The following VPS13C variants were observed in gnomAD, a reference collection of about 807,000 sequenced individuals.
The protein encoded by VPS13C is intermembrane lipid transfer protein VPS13C.
A neutral mutation model predicts 456.8 loss-of-function variants in VPS13C; 358 were observed. That is an observed-to-expected ratio of 0.78 (90% CI 0.72 to 0.86). The LOEUF (loss-of-function observed/expected upper bound fraction) is 0.86, where lower values mean the gene tolerates loss of function less well. Among genes scored for constraint, VPS13C ranks in the 40% least tolerant of loss-of-function variants. VPS13C has a pLI of 0.00. For missense variants in VPS13C, 4,818 were observed against 4,385.4 expected (o/e 1.10, Z -2.79); for synonymous variants, 1,578 against 1,486.7 (o/e 1.06, Z -1.41).
Position 61,969,402 on chromosome 15 carries a change from T to C in VPS13C, c.2808A>G (p.Val936=). ...CTGTTCCTAACTGAGTAACATTAAA[T>C]ACTAGAATTGTATCTTCTTCTTTCT... ...KQQKEEDTIL[V]FNVTQLGTEA... is the part of the protein sequence containing the mutation. Residue 936 remains valine, a synonymous_variant, in exon 28 of 85, where the codon GTA becomes GTG. Coordinates refer to ENST00000644861, the MANE Select transcript of VPS13C (RefSeq NM_020821.3). The C allele has an allele frequency of 6.3e-7, 1 of 1,587,610 alleles. No homozygotes were observed. The highest frequency in any genetic ancestry group is 8.6e-7 in the Non-Finnish European group (1 of 1,165,612).
chr15:61,887,794 T>C (rs111448744), intron 67 of VPS13C, among the ~76,000 whole-genome samples: 43 of 152,278 alleles, frequency 2.8e-4, no homozygotes, highest in African/African-American at 1.0e-3. Context: ...ACTTTCGGTA[T>C]AGTGGAGACT....
chr15:61,871,351 T>C (rs1291969826), intron 79 of VPS13C, among the ~76,000 whole-genome samples: 1 of 152,178 alleles, frequency 6.6e-6, no homozygotes, highest in Non-Finnish European at 1.5e-5. Flanking sequence ...TTGAGGACGG[T>C]TCTTTCCTAT....
In VPS13C at chr15:61,984,927, C is replaced by A; in HGVS notation, c.1651G>T (p.Glu551Ter). The A allele has an allele frequency of 6.2e-7, 1 of 1,612,210 alleles. No individual in the cohort carries two copies. The change falls in exon 19 of 85, where the codon GAA becomes TAA. Residue 551 changes from glutamate (E) to a stop codon, truncating the protein, a stop_gained. Transcript: ENST00000644861. LOFTEE classifies it high-confidence loss of function. ...VTIRENKNIP[E>*]ILKIQIIGLG... is the part of the protein sequence containing the mutation. ...CCAATTATCTGAATTTTTAGTATTTCTGGAATATTCTTGTTTTCTCTTATC... is the reference window on the plus strand; with the variant it reads ...CCAATTATCTGAATTTTTAGTATTTATGGAATATTCTTGTTTTCTCTTATC...
chr15:62,005,084 T>C (rs2046784253), intron 15 of VPS13C, among the ~76,000 whole-genome samples: 1 of 152,008 alleles, frequency 6.6e-6, no homozygotes. Context: ...CTTGTTGACT[T>C]TCTGTCTCGT....
In VPS13C at chr15:61,954,453, T is replaced by G. The variant is rs755346164; in HGVS notation, c.4267A>C (p.Ile1423Leu). 1.2e-6 allele frequency: 2 copies of G among 1,606,682 alleles called. No individual in the cohort carries two copies. Among genetic ancestry groups the G allele is most frequent in the Admixed American group, 3.4e-5 (2 of 58,642 alleles). ...ATTTCAAAATTCAGCAGCATATTAA[T>G]GATGTCTACAGACCTAATTTCTTCC... ...GVEEIRSVDI[I>L]NMLLNFEIKE... The change falls in exon 38 of 85, where the codon ATT (isoleucine) becomes CTT (leucine). Residue 1423 changes from isoleucine (I) to leucine (L), a missense_variant. Transcript: ENST00000644861.
At chr15:61,916,874 T>C (rs1433575175) in intron 60 of VPS13C, among the ~76,000 whole-genome samples, 2 of 152,140 alleles carry the variant, frequency 1.3e-5, no homozygotes, top group Non-Finnish European at 2.9e-5. Context: ...TAAGATGAAA[T>C]ATTTTCTCAT....
At chr15:61,982,189 G>T (rs140498350) in intron 21 of VPS13C, among the ~76,000 whole-genome samples, 1 of 152,106 alleles carries the variant, frequency 6.6e-6, no homozygotes, top group Admixed American at 6.5e-5. Context: ...TGAGATGGAG[G>T]GTTGTTTTCC....
intron 50 of VPS13C, among the ~76,000 whole-genome samples, chr15:61,929,957 T>C: frequency 6.6e-6 from 1 of 152,204 alleles, no homozygotes; most frequent in East Asian, 1.9e-4. Flanking sequence ...AAGCAATTAC[T>C]GAATATTTTA....
intron 57 of VPS13C, among the ~76,000 whole-genome samples, chr15:61,919,813 T>C (rs1057284712): frequency 6.8e-6 from 1 of 147,692 alleles, no homozygotes; most frequent in South Asian, 2.1e-4. Flanking sequence ...ATTATATATA[T>C]AATATTTATA....
At chr15:62,035,686 T>C (rs1446820573) in intron 3 of VPS13C, among the ~76,000 whole-genome samples, 1 of 151,986 alleles carries the variant, frequency 6.6e-6, no homozygotes, top group Non-Finnish European at 1.5e-5. Flanking sequence ...GTATTATGAA[T>C]AGTATTATGA....
chr15:61,934,926 T>G (rs909030298), intron 48 of VPS13C, among the ~76,000 whole-genome samples: 1 of 152,058 alleles, frequency 6.6e-6, no homozygotes, highest in East Asian at 1.9e-4. Flanking sequence ...AATTTTTTTG[T>G]ATTTTTAGTA....
At chr15:61,951,489 T>A (rs1340360146) in intron 39 of VPS13C, among the ~76,000 whole-genome samples, 1 of 152,152 alleles carries the variant, frequency 6.6e-6, no homozygotes, top group African/African-American at 2.4e-5. Flanking sequence ...GGGAAGGACA[T>A]GAGACTACAG....
At chr15:61,926,722 G>T (rs536268756) in intron 52 of VPS13C, among the ~76,000 whole-genome samples, 4 of 152,146 alleles carry the variant, frequency 2.6e-5, no homozygotes, top group Admixed American at 6.5e-5. Context: ...CGCTTTTGGC[G>T]AAGTGACTCC....
intron 84 of VPS13C, 70 bp from the exon 85 acceptor site, chr15:61,854,628 T>A: frequency 6.7e-7 from 1 of 1,496,910 alleles, no homozygotes; most frequent in South Asian, 1.1e-5. Context: ...GGGAAAGGTA[T>A]GAAAGCAAGG....
intron 82 of VPS13C, among the ~76,000 whole-genome samples, chr15:61,859,825 A>G (rs1894127359): frequency 6.6e-6 from 1 of 151,878 alleles, no homozygotes; most frequent in East Asian, 1.9e-4. Flanking sequence ...TGTATTTGTC[A>G]TATGTTGATG....
chr15:61,956,243 CAT>C (rs1227317295), intron 37 of VPS13C, among the ~76,000 whole-genome samples: 1 of 151,572 alleles, frequency 6.6e-6, no homozygotes, highest in East Asian at 1.9e-4. Context: ...CCAAATACCA[CAT>C]GTTCTCACTC....
chr15:62,030,433 G>A (rs929389257), intron 5 of VPS13C, among the ~76,000 whole-genome samples: 8 of 151,934 alleles, frequency 5.3e-5, no homozygotes, highest in South Asian at 2.1e-4. Flanking sequence ...ATCTTCTGCC[G>A]TGACTGAAAG....
intron 13 of VPS13C, among the ~76,000 whole-genome samples, chr15:62,009,142 T>C (rs1410219304): frequency 6.6e-6 from 1 of 152,204 alleles, no homozygotes; most frequent in Non-Finnish European, 1.5e-5. Flanking sequence ...AATATGCCTG[T>C]TTCTAAGACT....
chr15:61,951,890 T>C lies in VPS13C; in HGVS notation c.4390A>G (p.Lys1464Glu). 3 of 1,613,942 alleles carry C rather than the reference T, an allele frequency of 1.9e-6. No individual in the cohort carries two copies. The highest frequency in any genetic ancestry group is 2.2e-5 in the South Asian group (2 of 91,058). Residue 1464 changes from lysine (K) to glutamate (E), a missense_variant, in exon 39 of 85, where the codon AAA becomes GAA. This residue lies in a region of VPS13C where 4,552 missense variants were observed against 4,130.6 expected (regional missense o/e 1.10). Transcript: ENST00000644861. The stretch of plus-strand genomic sequence containing the variant: ...GCTTTAGCAGTCATGTCATAGGTTT[T>C]AACTTTAGCTTCCATTCCAAGTTGC... ...VLQLGMEAKV[K>E]TYDMTAKAYL...
Sources: allele counts gnomAD v4.1 joint callset (sites outside exome capture counted in the v4.1 genomes callset), GRCh38; gene constraint gnomAD v4.1.1; regional missense constraint gnomAD v4.1.1; transcripts MANE v1.5; gene names NCBI Gene and HGNC (gene_info 2026-07-23, HGNC 2026-07-21).